Variants in CADM2 observed in about 807,000 individuals in gnomAD.
CADM2 encodes cell adhesion molecule 2, also known as immunoglobulin superfamily member 4D.
In CADM2, 12 loss-of-function variants were observed where a neutral mutation model predicts 49.8. The observed-to-expected ratio is 0.24, with a 90% CI of 0.15 to 0.39. The LOEUF (loss-of-function observed/expected upper bound fraction) is 0.39, where lower values mean the gene tolerates loss of function less well. Ranked by LOEUF, CADM2 falls within the 10% of genes least tolerant of loss-of-function variation. CADM2 has a pLI of 1.00. For synonymous variants in CADM2, 214 were observed against 175.4 expected, an observed-to-expected ratio of 1.22 and a Z score of -1.74; for missense variants, 378 against 492.3, an observed-to-expected ratio of 0.77 and a Z score of 2.20.
intron 1 of CADM2, among the ~76,000 whole-genome samples, chr3:85,343,981 C>T (rs889858943): frequency 1.3e-5 from 2 of 152,068 alleles, no homozygotes; most frequent in East Asian, 1.9e-4. Context: ...AATTTTTGCC[C>T]ATAAGAAAAT....
At position 86,049,695 on chromosome 3, in the gene CADM2, A is replaced by G. The variant is rs138392338; in HGVS notation, c.971-15910A>G. 4.6e-5 allele frequency among the ~76,000 whole-genome samples: 7 copies of G among 152,290 alleles called. No individual in the cohort carries two copies. The East Asian group carries it at 1.4e-3, about 29-fold the overall frequency. ...ATCAGAAGACTTACAATCATAGCAG[A>G]AGGCAAAGGGGGAAGGAGGAAGGTG... is the stretch of plus-strand genomic sequence containing the variant. On this transcript the variant is annotated intron_variant, in intron 8 of 9. Transcript: ENST00000383699.
intron 1 of CADM2, among the ~76,000 whole-genome samples, chr3:85,208,898 A>G (rs2041713139): frequency 1.3e-5 from 2 of 152,142 alleles, no homozygotes; most frequent in South Asian, 2.1e-4. Context: ...GATGTTCCCA[A>G]TCAGAGAGAA....
intron 8 of CADM2, chr3:85,994,405 A>T (rs1208955510): frequency 6.6e-6 from 1 of 152,214 alleles, no homozygotes; most frequent in Non-Finnish European, 1.5e-5. Context: ...TTTGGTCTTA[A>T]TCAAGACCAC....
intron 1 of CADM2, among the ~76,000 whole-genome samples, chr3:85,274,472 T>C (rs1411058865): frequency 6.6e-6 from 1 of 151,256 alleles, no homozygotes; most frequent in Non-Finnish European, 1.5e-5. Flanking sequence ...TCACAGACCA[T>C]TCATTCATTA....
chr3:85,822,515 C>T (rs774621968), intron 3 of CADM2, among the ~76,000 whole-genome samples: 3 of 151,872 alleles, frequency 2.0e-5, no homozygotes, highest in South Asian at 4.2e-4. Context: ...ACCTGGGGGG[C>T]GAAGGTTGCA....
At chr3:85,843,091 T>G (rs1176064626) in intron 3 of CADM2, among the ~76,000 whole-genome samples, 1 of 152,136 alleles carries the variant, frequency 6.6e-6, no homozygotes, top group East Asian at 1.9e-4. Flanking sequence ...TTTAGCATTG[T>G]CATGGCTTTG....
chr3:85,996,515 T>C (rs1195729852), intron 8 of CADM2, among the ~76,000 whole-genome samples: 1 of 152,078 alleles, frequency 6.6e-6, no homozygotes, highest in Non-Finnish European at 1.5e-5. Flanking sequence ...CTGTAAATCC[T>C]TCTTCATAGT....
At chr3:85,047,752 C>T (rs578226213) in intron 1 of CADM2, among the ~76,000 whole-genome samples, 8 of 152,196 alleles carry the variant, frequency 5.3e-5, no homozygotes, top group African/African-American at 1.9e-4. Context: ...TATAAACTAG[C>T]TTACATAAAG....
intron 1 of CADM2, among the ~76,000 whole-genome samples, chr3:85,295,185 T>A (rs1026894980): frequency 5.0e-4 from 76 of 152,074 alleles, no homozygotes; most frequent in African/African-American, 1.6e-3. Context: ...AAAACACATG[T>A]AAAAATGCTC....
rs879729247 is a variant in CADM2 at position 85,239,714 on chromosome 3, T to A, written c.61+280046T>A. Among the ~76,000 whole-genome samples the A allele has an allele frequency of 3.8e-4, 58 of 151,514 alleles. 1 individual carries two copies. Among genetic ancestry groups the A allele is most frequent in the Non-Finnish European group, 1.5e-4 (10 of 67,550 alleles). ...TTGTTTCCTTTTGTGAGACATTTTT[T>A]AAAAATAGATGCTGATTTGGCCAAA... On this transcript the variant is annotated intron_variant, in intron 1 of 9. Transcript: ENST00000383699.
chr3:85,856,118 G>A (rs1209091654), intron 3 of CADM2, among the ~76,000 whole-genome samples: 1 of 152,144 alleles, frequency 6.6e-6, no homozygotes, highest in Non-Finnish European at 1.5e-5. Flanking sequence ...GTTATTGGCA[G>A]TAAGGCAGTA....
chr3:85,744,242 A>G (rs1016019570), intron 2 of CADM2, among the ~76,000 whole-genome samples: 4 of 152,154 alleles, frequency 2.6e-5, no homozygotes, highest in Non-Finnish European at 4.4e-5. Flanking sequence ...GGGACAAGGA[A>G]TGACTAATGG....
chr3:85,521,752 G>C (rs1265445462), intron 1 of CADM2, among the ~76,000 whole-genome samples: 1 of 152,052 alleles, frequency 6.6e-6, no homozygotes, highest in Non-Finnish European at 1.5e-5. Context: ...TGACGGGTGA[G>C]GGAATTGTGG....
rs1473263782 is a variant in CADM2, at chr3:86,071,980, T to C, written c.*5197T>C. 1 of 148,692 alleles carries C rather than the reference T, an allele frequency of 6.7e-6. No homozygotes were observed. Among genetic ancestry groups the C allele is most frequent in the East Asian group, 2.0e-4 (1 of 5,064 alleles). 9.2% of individuals were successfully genotyped at this position (148,692 alleles called of 1,614,324 possible). Reference sequence around the variant, plus strand: ...ATATGAATTATTTTACCAAGTAGTATTATCTGCACGAGACAAATTTAAGTA... The same window carrying C: ...ATATGAATTATTTTACCAAGTAGTACTATCTGCACGAGACAAATTTAAGTA... On this transcript the variant is annotated 3_prime_UTR_variant, in exon 10 of 10. Coordinates refer to ENST00000383699, the MANE Select transcript of CADM2 (RefSeq NM_001167675.2).
intron 1 of CADM2, among the ~76,000 whole-genome samples, chr3:85,120,173 A>G (rs547842379): frequency 6.6e-6 from 1 of 152,338 alleles, no homozygotes; most frequent in East Asian, 1.9e-4. Flanking sequence ...AATCATTAAA[A>G]GTCAGGAAAC....
intron 1 of CADM2, among the ~76,000 whole-genome samples, chr3:85,415,023 G>A (rs765798935): frequency 2.0e-5 from 3 of 152,082 alleles, no homozygotes; most frequent in Non-Finnish European, 2.9e-5. Context: ...AAATGCCTCC[G>A]TCATGTGACC....
rs546176519 is a variant in CADM2, at chr3:85,575,565, AAAAAT to A, written c.62-150938_62-150934del. ...GACTCCGTCTCAAAAACAAAACATAAAAAATAAAATAAAATAAAATAAATGATTGA... is the reference window on the plus strand; with the variant it reads ...GACTCCGTCTCAAAAACAAAACATAAAAAATAAAATAAAATAAATGATTGA... On this transcript the variant is annotated intron_variant, in intron 1 of 9. Transcript: ENST00000383699. Among the ~76,000 whole-genome samples the A allele has an allele frequency of 1.6e-3, 245 of 152,280 alleles. 2 individuals are homozygous for A. Among genetic ancestry groups the A allele is most frequent in the African/African-American group, 5.4e-3 (224 of 41,574 alleles).
intron 1 of CADM2, among the ~76,000 whole-genome samples, chr3:85,131,665 C>T (rs1409263450): frequency 6.6e-6 from 1 of 152,110 alleles, no homozygotes; most frequent in African/African-American, 2.4e-5. Context: ...CTTACCTAAC[C>T]ATATCATTTT....
At chr3:85,053,027 A>G (rs1342622825) in intron 1 of CADM2, among the ~76,000 whole-genome samples, 4 of 152,054 alleles carry the variant, frequency 2.6e-5, no homozygotes, top group Non-Finnish European at 5.9e-5. Flanking sequence ...AAAGAAACAA[A>G]TCACATTTTT....
Sources: gnomAD v4.1 joint callset for allele counts (sites outside exome capture counted in the v4.1 genomes callset) on GRCh38, gnomAD v4.1.1 for gene constraint, MANE v1.5 for transcripts, NCBI Gene and HGNC (gene_info 2026-07-23, HGNC 2026-07-21) for gene names.